The following HIPK2 variants were observed in gnomAD, a reference collection of about 807,000 sequenced individuals.
HIPK2 encodes the protein homeodomain-interacting protein kinase 2.
HIPK2 carries 27 observed loss-of-function variants against 113.7 expected under a neutral mutation model. The observed-to-expected ratio is 0.24, with a 90% CI of 0.17 to 0.33. The LOEUF is 0.33. Among genes scored for constraint, HIPK2 ranks in the 10% least tolerant of loss-of-function variants. HIPK2 has a pLI of 1.00. For synonymous variants in HIPK2, 631 were observed against 642.2 expected, an observed-to-expected ratio of 0.98 and a Z score of 0.26; for missense variants, 1,257 against 1,588.0, an observed-to-expected ratio of 0.79 and a Z score of 3.54.
Position 139,613,129 on chromosome 7 carries a change from G to C in HIPK2, c.2112+73C>G. Reference sequence around the variant, plus strand: ...CATTACTAGGGAGAGAGGGAGTGGAGATATATATCTTTTGTGAACAACATT... The same window carrying C: ...CATTACTAGGGAGAGAGGGAGTGGACATATATATCTTTTGTGAACAACATT... On this transcript the variant is annotated intron_variant, in intron 9 of 14. Coordinates refer to ENST00000406875, the MANE Select transcript of HIPK2 (RefSeq NM_022740.5). This position sits in a 1 kb window ranked among gnomAD's most constrained non-coding sequence, Gnocchi z 4.2. The C allele has an allele frequency of 3.2e-6, 5 of 1,559,030 alleles. No homozygotes were observed. The South Asian group carries it at 5.8e-5, about 18-fold the overall frequency.
intron 1 of HIPK2, 75 bp downstream of exon 1, chr7:139,777,530 G>C: frequency 1.5e-6 from 1 of 673,084 alleles, no homozygotes; most frequent in Non-Finnish European, 1.9e-6. Flanking sequence ...CGGGCGCGGG[G>C]CCGCGGGCAG....
In HIPK2 at chr7:139,671,552, A is replaced by G. The variant is rs184125047; in HGVS notation, c.1104-39827T>C. ...CTCATTGGTAGTACTTTCAGTTGAGAATAAAGTTTTTTTTTTTGACAGAGT... is the reference window on the plus strand; with the variant it reads ...CTCATTGGTAGTACTTTCAGTTGAGGATAAAGTTTTTTTTTTTGACAGAGT... On this transcript the variant is annotated intron_variant, in intron 2 of 14. Transcript: ENST00000406875. Among the ~76,000 whole-genome samples the G allele has an allele frequency of 1.5e-3, 233 of 151,930 alleles. 3 individuals are homozygous for G. The highest frequency in any genetic ancestry group is 1.3e-4 in the Non-Finnish European group (9 of 67,998).
rs148417402 is a variant in HIPK2 at position 139,661,230 on chromosome 7, T to C, written c.1104-29505A>G. ...CTCCAGCACACCACTGGATAATACTTAACACACTAGAAACCCTGGAGAACA... is the reference window on the plus strand; with the variant it reads ...CTCCAGCACACCACTGGATAATACTCAACACACTAGAAACCCTGGAGAACA... On this transcript the variant is annotated intron_variant, in intron 2 of 14. Transcript: ENST00000406875. Among the ~76,000 whole-genome samples, 55 of 152,294 alleles carry C rather than the reference T, an allele frequency of 3.6e-4. No homozygotes were observed. In the East Asian group the frequency reaches 0.01, roughly 28 times the overall value.
intron 9 of HIPK2, among the ~76,000 whole-genome samples, chr7:139,611,142 T>A (rs1799802298): frequency 6.6e-6 from 1 of 152,228 alleles, no homozygotes; most frequent in Non-Finnish European, 1.5e-5. Context: ...GGTCATTGGG[T>A]TGGTACCTGT....
At position 139,570,420 on chromosome 7, in the gene HIPK2, G is replaced by A. The variant is rs895802334; in HGVS notation, c.*2507C>T. ...AAGACAGTATTGATAATGGCCCGAGGGAAGGGAATCTCCTTGCTGCAGGCC... is the reference window on the plus strand; with the variant it reads ...AAGACAGTATTGATAATGGCCCGAGAGAAGGGAATCTCCTTGCTGCAGGCC... On this transcript the variant is annotated 3_prime_UTR_variant, in exon 15 of 15. Coordinates refer to ENST00000406875, the MANE Select transcript of HIPK2 (RefSeq NM_022740.5). 4 of 152,358 alleles carry A rather than the reference G, an allele frequency of 2.6e-5. No homozygotes were observed. The highest frequency in any genetic ancestry group is 1.3e-4 in the Admixed American group (2 of 15,294). 9.4% of individuals were successfully genotyped at this position (152,358 alleles called of 1,614,324 possible).
At chr7:139,776,674 C>G (rs1796760774) in intron 1 of HIPK2, among the ~76,000 whole-genome samples, 1 of 152,152 alleles carries the variant, frequency 6.6e-6, no homozygotes, top group African/African-American at 2.4e-5. Context: ...ATGAGACAAA[C>G]ATTTACACGA....
At chr7:139,590,512 C>A (rs535444477) in intron 12 of HIPK2, among the ~76,000 whole-genome samples, 8 of 152,212 alleles carry the variant, frequency 5.3e-5, no homozygotes, top group Non-Finnish European at 8.8e-5. Flanking sequence ...AGGGTCAAAA[C>A]TCATCTCCTC....
chr7:139,704,097 C>A (rs1161600516), intron 2 of HIPK2, among the ~76,000 whole-genome samples: 1 of 117,680 alleles, frequency 8.5e-6, no homozygotes, highest in Admixed American at 9.7e-5. Context: ...CCCGCTATAC[C>A]CAACATACAC....
At chr7:139,678,877 A>T (rs1245141391) in intron 2 of HIPK2, among the ~76,000 whole-genome samples, 1 of 152,162 alleles carries the variant, frequency 6.6e-6, no homozygotes, top group African/African-American at 2.4e-5. Flanking sequence ...GGTCCTTCAC[A>T]TCCCTTGTAA....
At chr7:139,708,569 C>T (rs548858890) in intron 2 of HIPK2, among the ~76,000 whole-genome samples, 67 of 152,312 alleles carry the variant, frequency 4.4e-4, no homozygotes, top group South Asian at 8.3e-4. Context: ...CCCTACTGTT[C>T]TCAGGTTAGA....
Position 139,616,536 on chromosome 7 carries a change from C to T in HIPK2, c.1783-2043G>A, listed in dbSNP as rs143530457. On this transcript the variant is annotated intron_variant, in intron 7 of 14. Transcript: ENST00000406875. ...TTCCAAGCATACTGTGAGCACAGGC[C>T]TTTCCCTTCATACAAGCTCTCTGAC... 2.7e-3 allele frequency among the ~76,000 whole-genome samples: 404 copies of T among 152,326 alleles called. 2 individuals carry two copies. The highest frequency in any genetic ancestry group is 9.3e-3 in the African/African-American group (388 of 41,568).
At chr7:139,648,163 T>C (rs1801309775) in intron 2 of HIPK2, among the ~76,000 whole-genome samples, 1 of 152,220 alleles carries the variant, frequency 6.6e-6, no homozygotes, top group East Asian at 1.9e-4. Context: ...TTCCTTTTCA[T>C]TTGGCCTCAA....
At chr7:139,668,101 G>A (rs1802114684) in intron 2 of HIPK2, among the ~76,000 whole-genome samples, 1 of 150,290 alleles carries the variant, frequency 6.7e-6, no homozygotes, top group Non-Finnish European at 1.5e-5. Context: ...ACTCCAGCCT[G>A]GGTGACAAGC....
intron 1 of HIPK2, 160 bp downstream of exon 1, chr7:139,777,445 T>G (rs1378771683): frequency 6.1e-6 from 1 of 164,592 alleles, no homozygotes; most frequent in Non-Finnish European, 1.2e-5. Context: ...CGGGTCCCGG[T>G]CATCTTCCGG....
rs563091868 is a variant in HIPK2, at chr7:139,716,558, G to A, written c.477C>T (p.Ser159=). ...TGGTGGCAGTGGCGACAGTGGCCCCGCTTGCATTATTCTGAATCATGGGTG... is the reference window on the plus strand; with the variant it reads ...TGGTGGCAGTGGCGACAGTGGCCCCACTTGCATTATTCTGAATCATGGGTG... The part of the protein sequence containing the change: ...EHPPMIQNNA[S]GATVATATTS... Residue 159 remains serine, a synonymous_variant, in exon 2 of 15, where the codon AGC becomes AGT. Coordinates refer to ENST00000406875, the MANE Select transcript of HIPK2 (RefSeq NM_022740.5). The surrounding 1 kb of genome is among the most constrained non-coding windows in gnomAD (Gnocchi z 9.3). The A allele has an allele frequency of 6.4e-5, 104 of 1,613,950 alleles. No individual in the cohort carries two copies. The highest frequency in any genetic ancestry group is 3.3e-4 in the Middle Eastern group (2 of 6,062).
At chr7:139,654,518 CA>C (rs1305692411) in intron 2 of HIPK2, among the ~76,000 whole-genome samples, 1 of 152,058 alleles carries the variant, frequency 6.6e-6, no homozygotes, top group Non-Finnish European at 1.5e-5. Flanking sequence ...ATCTCAAAAA[CA>C]AACAAACAAA....
rs535809976 is a variant in HIPK2, at chr7:139,674,837, C to T, written c.1103+41095G>A. Among the ~76,000 whole-genome samples, 82 of 152,240 alleles carry T rather than the reference C, an allele frequency of 5.4e-4. 1 individual carries two copies. The highest frequency in any genetic ancestry group is 6.8e-3 in the Middle Eastern group (2 of 294). The stretch of plus-strand genomic sequence containing the variant: ...CATTTCAAACTCCTGGTAGCGCTTA[C>T]GATGAAGATGTAAAAGAGGTGCCAC... On this transcript the variant is annotated intron_variant, in intron 2 of 14. Coordinates refer to ENST00000406875, the MANE Select transcript of HIPK2 (RefSeq NM_022740.5).
At chr7:139,622,230 G>T (rs1221793821) in intron 6 of HIPK2, among the ~76,000 whole-genome samples, 1 of 152,040 alleles carries the variant, frequency 6.6e-6, no homozygotes, top group Non-Finnish European at 1.5e-5. Flanking sequence ...CACTTACACT[G>T]GCTGCGTCAT....
chr7:139,665,950 C>CTT (rs1012816558), intron 2 of HIPK2, among the ~76,000 whole-genome samples: 20 of 139,548 alleles, frequency 1.4e-4, no homozygotes, highest in Admixed American at 2.1e-4. Flanking sequence ...GGAGGTCTGC[C>CTT]TTTTTTTTTT....
Sources: allele counts gnomAD v4.1 joint callset (sites outside exome capture counted in the v4.1 genomes callset), GRCh38; gene constraint gnomAD v4.1.1; non-coding constraint Gnocchi (gnomAD v3.1); transcripts MANE v1.5; gene names NCBI Gene and HGNC (gene_info 2026-07-23, HGNC 2026-07-21).